The following MCCC2 variants were observed in gnomAD, a reference collection of about 807,000 sequenced individuals.
The protein encoded by MCCC2 is methylcrotonoyl-CoA carboxylase beta chain, mitochondrial.
Under a neutral mutation model 77.2 loss-of-function variants are expected in MCCC2, and 52 were observed. The observed-to-expected ratio is 0.67, with a 90% CI of 0.54 to 0.85. The LOEUF is 0.85. Among genes scored for constraint, MCCC2 ranks in the 40% least tolerant of loss-of-function variants. MCCC2 has a pLI of 0.00. For synonymous variants in MCCC2, 253 were observed against 248.4 expected, an observed-to-expected ratio of 1.02 and a Z score of -0.18; for missense variants, 682 against 703.2, an observed-to-expected ratio of 0.97 and a Z score of 0.34.
chr5:71,633,094 TATATA>T (rs1561841222), intron 8 of MCCC2, among the ~76,000 whole-genome samples: 7 of 6,354 alleles, frequency 1.1e-3, no homozygotes, highest in South Asian at 0.018. Flanking sequence ...TTCAGTTTTA[TATATA>T]TATATATATA....
chr5:71,628,763 A>T (rs181881956), intron 7 of MCCC2, among the ~76,000 whole-genome samples: 4 of 152,374 alleles, frequency 2.6e-5, no homozygotes, highest in East Asian at 3.9e-4. Flanking sequence ...AAGCAGCAAG[A>T]TTCCTACAGT....
In MCCC2 at chr5:71,599,576, A is replaced by T; in HGVS notation, c.282-83A>T. ...TGAAATATTGTCCCATTGAGGAAAA[A>T]TCTTTTCCTTTTCCATGTGTAACTG... On this transcript the variant is annotated intron_variant, in intron 3 of 16. Transcript: ENST00000340941. 3 of 1,098,394 alleles carry T rather than the reference A, an allele frequency of 2.7e-6. No homozygotes were observed. In the South Asian group the frequency reaches 3.8e-5, roughly 14 times the overall value. The allele number at this position is 1,098,394 out of a possible 1,614,324, so 68.0% of individuals were successfully genotyped here.
chr5:71,638,727 G>A (rs554875415), intron 10 of MCCC2, among the ~76,000 whole-genome samples: 2 of 152,236 alleles, frequency 1.3e-5, no homozygotes, highest in Admixed American at 6.5e-5. Flanking sequence ...TACCATATTG[G>A]TCAGGCTGGT....
chr5:71,595,409 A>T (rs1431342222), intron 2 of MCCC2, among the ~76,000 whole-genome samples: 1 of 141,492 alleles, frequency 7.1e-6, no homozygotes, highest in Non-Finnish European at 1.5e-5. Context: ...AGCCTGGGTG[A>T]CAGAGTAAGA....
Position 71,626,763 on chromosome 5 carries a change from TAAG to T in MCCC2, c.738+13_738+15del, listed in dbSNP as rs774272719. 3.1e-6 allele frequency: 5 copies of T among 1,610,774 alleles called. No homozygotes were observed. The South Asian group carries it at 4.4e-5, about 14-fold the overall frequency. ...GGCAGGACCCCCCTTGGTAAGAACATAAGAACGTTGGTCGATGGAAATTAAGTA... is the reference window on the plus strand; with the variant it reads ...GGCAGGACCCCCCTTGGTAAGAACATAACGTTGGTCGATGGAAATTAAGTA... On this transcript the variant is annotated intron_variant, in intron 7 of 16. Coordinates refer to ENST00000340941, the MANE Select transcript of MCCC2 (RefSeq NM_022132.5).
intron 16 of MCCC2, among the ~76,000 whole-genome samples, chr5:71,656,502 T>G (rs902759931): frequency 3.3e-5 from 5 of 152,190 alleles, no homozygotes. Context: ...AGTAGTTCCT[T>G]AAGCCTTAAG....
chr5:71,631,271 G>A (rs2078096655), intron 7 of MCCC2, among the ~76,000 whole-genome samples: 2 of 152,332 alleles, frequency 1.3e-5, no homozygotes, highest in South Asian at 4.1e-4. Flanking sequence ...CACATGCCGT[G>A]TTGGAGGTGT....
intron 7 of MCCC2, among the ~76,000 whole-genome samples, chr5:71,630,881 G>C (rs1484755392): frequency 1.3e-5 from 2 of 151,780 alleles, no homozygotes; most frequent in Non-Finnish European, 2.9e-5. Flanking sequence ...TTTCTTATTT[G>C]AGTTGATTAA....
At position 71,596,327 on chromosome 5, in the gene MCCC2, T is replaced by C. The variant is rs2112293727; in HGVS notation, c.244T>C (p.Leu82=). 8.7e-6 allele frequency: 14 copies of C among 1,614,152 alleles called. No homozygotes were observed. Among genetic ancestry groups the C allele is most frequent in the Non-Finnish European group, 1.2e-5 (14 of 1,180,030 alleles). The change falls in exon 3 of 17, where the codon TTG becomes CTG. Residue 82 remains leucine, a synonymous_variant. Coordinates refer to ENST00000340941, the MANE Select transcript of MCCC2 (RefSeq NM_022132.5). ...RALHISRGKL[L]PRERIDNLID... is the part of the protein sequence containing the mutation. ...ACTTCACATATCAAGAGGAAAACTA[T>C]TGCCCAGAGAAAGAATTGACAATCT...
chr5:71,630,268 T>A (rs1490171814), intron 7 of MCCC2, among the ~76,000 whole-genome samples: 3 of 152,194 alleles, frequency 2.0e-5, no homozygotes, highest in Non-Finnish European at 4.4e-5. Context: ...CTGTAGCTTT[T>A]AGTAGCTTAG....
At chr5:71,628,083 G>A (rs1407362269) in intron 7 of MCCC2, among the ~76,000 whole-genome samples, 3 of 151,962 alleles carry the variant, frequency 2.0e-5, no homozygotes, top group African/African-American at 4.8e-5. Flanking sequence ...ACCTCAGGTG[G>A]TATGCCTGCC....
At chr5:71,646,144 T>C in intron 12 of MCCC2, 67 bp from the exon 13 acceptor site, 1 of 1,354,300 alleles carries the variant, frequency 7.4e-7, no homozygotes, top group Admixed American at 1.7e-5. Context: ...TTGTGGTGTT[T>C]GTAGAATGCA....
chr5:71,646,397 C>T, intron 13 of MCCC2, 120 bp downstream of exon 13: 1 of 846,696 alleles, frequency 1.2e-6, no homozygotes, highest in Non-Finnish European at 2.0e-6. Flanking sequence ...TTCTACTGGA[C>T]ATGCTCTTTC....
chr5:71,598,234 C>G (rs1174279876), intron 3 of MCCC2, among the ~76,000 whole-genome samples: 1 of 151,422 alleles, frequency 6.6e-6, no homozygotes, highest in African/African-American at 2.4e-5. Context: ...CCATGCCCAG[C>G]TAATTTTTGT....
chr5:71,590,131 A>C (rs367736482), intron 1 of MCCC2, among the ~76,000 whole-genome samples: 7 of 149,244 alleles, frequency 4.7e-5, no homozygotes, highest in East Asian at 2.0e-4. Context: ...CACACACACA[A>C]ACACAAACAC....
chr5:71,647,670 G>T (rs1271733546), intron 13 of MCCC2, among the ~76,000 whole-genome samples: 1 of 152,160 alleles, frequency 6.6e-6, no homozygotes, highest in Non-Finnish European at 1.5e-5. Flanking sequence ...GGTGTTTTAG[G>T]TAGAGATGCA....
At chr5:71,604,715 A>G (rs763700406) in intron 6 of MCCC2, among the ~76,000 whole-genome samples, 27 of 151,658 alleles carry the variant, frequency 1.8e-4, no homozygotes, top group East Asian at 3.9e-4. Flanking sequence ...ATATCTCCCA[A>G]TGCTATCCCT....
At chr5:71,621,249 G>A (rs535903114) in intron 6 of MCCC2, among the ~76,000 whole-genome samples, 1 of 152,254 alleles carries the variant, frequency 6.6e-6, no homozygotes, top group African/African-American at 2.4e-5. Context: ...GCTCATGCCT[G>A]TACTCTCAGC....
intron 6 of MCCC2, among the ~76,000 whole-genome samples, chr5:71,620,976 G>A (rs1052571196): frequency 5.3e-5 from 8 of 152,172 alleles, no homozygotes; most frequent in African/African-American, 1.9e-4. Flanking sequence ...TGATGCAGAT[G>A]CAGGTCCCTG....
Sources: allele counts gnomAD v4.1 joint callset (sites outside exome capture counted in the v4.1 genomes callset), GRCh38; gene constraint gnomAD v4.1.1; transcripts MANE v1.5; gene names NCBI Gene and HGNC (gene_info 2026-07-23, HGNC 2026-07-21).